The following SLC44A5 variants were observed in gnomAD, a reference collection of about 807,000 sequenced individuals.
The protein encoded by SLC44A5 is choline transporter-like protein 5.
A neutral mutation model predicts 101.8 loss-of-function variants in SLC44A5; 57 were observed. The ratio of observed to expected loss-of-function variants is 0.56; its 90% CI spans 0.45 to 0.70. SLC44A5 has a LOEUF of 0.70. Among genes scored for constraint, SLC44A5 ranks in the 30% least tolerant of loss-of-function variants. The probability of loss-of-function intolerance (pLI) is 0.00; values close to 1 mark genes in which losing one functional copy is unlikely to be tolerated. For synonymous variants in SLC44A5, 281 were observed against 290.9 expected, an observed-to-expected ratio of 0.97 and a Z score of 0.35; for missense variants, 737 against 853.1, an observed-to-expected ratio of 0.86 and a Z score of 1.70.
At chr1:75,615,416 TACAC>T (rs3031479), upstream of SLC44A5, among the ~76,000 whole-genome samples, 6 of 131,762 alleles carry the variant, frequency 4.6e-5, no homozygotes, top group South Asian at 2.4e-4. Context: ...CTCTCTCTCT[TACAC>T]ACACACACAC....
At chr1:75,669,827 C>A in the SLC44A5 span, among the ~76,000 whole-genome samples, 1 of 152,174 alleles carries the variant, frequency 6.6e-6, no homozygotes, top group Non-Finnish European at 1.5e-5. Context: ...ATACCAGGAG[C>A]TTTACTAAAT....
At chr1:75,456,015 A>T (rs1005737782) in intron 2 of SLC44A5, among the ~76,000 whole-genome samples, 2 of 152,132 alleles carry the variant, frequency 1.3e-5, no homozygotes, top group African/African-American at 2.4e-5. Context: ...CTGAGTACTT[A>T]TCCAAAAGAA....
chr1:75,444,074 T>C (rs1435172577), intron 2 of SLC44A5, among the ~76,000 whole-genome samples: 1 of 151,754 alleles, frequency 6.6e-6, no homozygotes, highest in Non-Finnish European at 1.5e-5. Flanking sequence ...CCCAGCTCTT[T>C]GGGAGGCTGA....
intron 6 of SLC44A5, among the ~76,000 whole-genome samples, chr1:75,272,648 C>T (rs1406393965): frequency 2.0e-5 from 3 of 152,016 alleles, no homozygotes; most frequent in Non-Finnish European, 4.4e-5. Context: ...AACAGGATGT[C>T]CTTTCCCCAA....
intron 6 of SLC44A5, among the ~76,000 whole-genome samples, chr1:75,251,516 TTAAA>T (rs1278070960): frequency 6.6e-6 from 1 of 152,176 alleles, no homozygotes. Context: ...AGGAGATTGC[TTAAA>T]TAGATTTGTA....
rs755037946 is a variant in SLC44A5, at chr1:75,379,460, A to AT, written c.52+17122dup. Among the ~76,000 whole-genome samples the AT allele has an allele frequency of 1.3e-4, 8 of 61,484 alleles. 2 individuals carry two copies. The highest frequency in any genetic ancestry group is 5.3e-4 in the Admixed American group (3 of 5,642). 40.3% of individuals were successfully genotyped at this position (61,484 alleles called of 152,430 possible). A position where few individuals can be genotyped will look rare whatever the true frequency, so the allele number is the denominator to read the frequency against. On this transcript the variant is annotated intron_variant, in intron 3 of 23. Transcript: ENST00000370859. ...TGAGGCCATTGAACAAGTTAGAGCT[A>AT]TCTGCCTTAGAGCCTGGGAAAAAAT...
intron 2 of SLC44A5, among the ~76,000 whole-genome samples, chr1:75,478,972 C>T (rs1570403133): frequency 6.6e-6 from 1 of 152,276 alleles, no homozygotes; most frequent in East Asian, 1.9e-4. Flanking sequence ...CACACCACAC[C>T]TATTCCAAAA....
the SLC44A5 span, among the ~76,000 whole-genome samples, chr1:75,644,391 G>C: frequency 2.0e-5 from 3 of 151,828 alleles, no homozygotes; most frequent in African/African-American, 7.2e-5. Context: ...GAAACAATTG[G>C]CCTATAAGTA....
the SLC44A5 span, among the ~76,000 whole-genome samples, chr1:75,707,677 T>A: frequency 6.6e-6 from 1 of 152,220 alleles, no homozygotes; most frequent in Non-Finnish European, 1.5e-5. Context: ...TTATAATTTC[T>A]ATGAAAACCC....
intron 2 of SLC44A5, among the ~76,000 whole-genome samples, chr1:75,501,014 C>G (rs1668930842): frequency 6.6e-6 from 1 of 152,136 alleles, no homozygotes; most frequent in African/African-American, 2.4e-5. Context: ...ATGCTTAAGG[C>G]AAAGTCACGC....
chr1:75,648,344 C>A, the SLC44A5 span, among the ~76,000 whole-genome samples: 4 of 152,092 alleles, frequency 2.6e-5, no homozygotes, highest in Non-Finnish European at 5.9e-5. Flanking sequence ...ATAAATTACC[C>A]AGTTTTGGAC....
At chr1:75,427,519 C>T (rs1664381471) in intron 2 of SLC44A5, among the ~76,000 whole-genome samples, 1 of 152,154 alleles carries the variant, frequency 6.6e-6, no homozygotes, top group South Asian at 2.1e-4. Context: ...CCTGTACACT[C>T]AGAATTTTCC....
intron 1 of SLC44A5, among the ~76,000 whole-genome samples, chr1:75,605,416 C>T (rs567697746): frequency 4.0e-5 from 6 of 151,862 alleles, no homozygotes; most frequent in Admixed American, 2.0e-4. Flanking sequence ...ATCCAAAATC[C>T]TAATGGCCCA....
Position 75,219,805 on chromosome 1 carries a change from T to A in SLC44A5, c.1173A>T (p.Thr391=), listed in dbSNP as rs1012270881. The A allele has an allele frequency of 1.1e-5, 18 of 1,610,048 alleles. No individual in the cohort carries two copies. The highest frequency in any genetic ancestry group is 1.5e-5 in the Non-Finnish European group (18 of 1,177,082). ...GGCCAATTACCAAAGGATACACTGC[T>A]GTCACGACCCAGTAGCAAATGCAGA... The part of the protein sequence containing the change: ...LSICICYWVV[T]AVFLATSGVP... The change falls in exon 15 of 24, where the codon ACA becomes ACT. Residue 391 remains threonine, a synonymous_variant. Coordinates refer to ENST00000370859, the MANE Select transcript of SLC44A5 (RefSeq NM_001130058.2).
At chr1:75,450,473 C>A (rs1665840583) in intron 2 of SLC44A5, among the ~76,000 whole-genome samples, 3 of 152,194 alleles carry the variant, frequency 2.0e-5, no homozygotes, top group Admixed American at 6.5e-5. Context: ...GATTGGAGAA[C>A]CTGCTCTGGA....
At chr1:75,636,326 T>C in the SLC44A5 span, among the ~76,000 whole-genome samples, 153 of 152,116 alleles carry the variant, frequency 1.0e-3, no homozygotes, top group African/African-American at 3.5e-3. Flanking sequence ...TGGCACAGAG[T>C]AAACAATAAG....
intron 1 of SLC44A5, among the ~76,000 whole-genome samples, chr1:75,590,731 A>G (rs388870): frequency 0.96 from 145,824 of 152,216 alleles, 69,889 homozygotes; most frequent in African/African-American, 0.97. Flanking sequence ...TGGAAAAGGG[A>G]AAGAAAGAGT....
chr1:75,436,102 G>C (rs1209038735), intron 2 of SLC44A5, among the ~76,000 whole-genome samples: 1 of 152,080 alleles, frequency 6.6e-6, no homozygotes, highest in Non-Finnish European at 1.5e-5. Flanking sequence ...TGACTATAAA[G>C]TATCTACTTA....
At chr1:75,350,518 T>C (rs548568171) in intron 3 of SLC44A5, among the ~76,000 whole-genome samples, 2 of 150,686 alleles carry the variant, frequency 1.3e-5, no homozygotes, top group East Asian at 3.9e-4. Context: ...AAAATATGCC[T>C]GTAAAAGATA....
Sources: allele counts gnomAD v4.1 joint callset (sites outside exome capture counted in the v4.1 genomes callset), GRCh38; gene constraint gnomAD v4.1.1; transcripts MANE v1.5; gene names NCBI Gene and HGNC (gene_info 2026-07-23, HGNC 2026-07-21).